The following DGKI variants were observed in gnomAD, a reference collection of about 807,000 sequenced individuals.
The protein encoded by DGKI is DAG kinase iota.
Under a neutral mutation model 147.5 loss-of-function variants are expected in DGKI, and 55 were observed. That is an observed-to-expected ratio of 0.37 (90% CI 0.30 to 0.47). The LOEUF is 0.47. Ranked by LOEUF, DGKI falls within the 20% of genes least tolerant of loss-of-function variation. The pLI is 1.00. For missense variants in DGKI, 1,007 were observed against 1,323.8 expected (o/e 0.76, Z 3.71); for synonymous variants, 469 against 477.1 (o/e 0.98, Z 0.22).
intron 17 of DGKI, among the ~76,000 whole-genome samples, chr7:137,573,332 G>A (rs1818855533): frequency 6.6e-6 from 1 of 152,102 alleles, no homozygotes; most frequent in South Asian, 2.1e-4. Flanking sequence ...CAAATATTTT[G>A]AAGACTTTTT....
chr7:137,638,542 A>G (rs199546871), intron 6 of DGKI, among the ~76,000 whole-genome samples: 9 of 108,650 alleles, frequency 8.3e-5, no homozygotes, highest in East Asian at 2.9e-4. Context: ...ACATATATGT[A>G]TATATATGTG....
intron 1 of DGKI, among the ~76,000 whole-genome samples, chr7:137,713,603 C>T (rs1794280599): frequency 6.6e-6 from 1 of 152,048 alleles, no homozygotes; most frequent in Non-Finnish European, 1.5e-5. Context: ...GTAGAGGTTG[C>T]CATTAACTTA....
At chr7:137,629,896 A>G (rs565978145) in intron 6 of DGKI, among the ~76,000 whole-genome samples, 1 of 152,306 alleles carries the variant, frequency 6.6e-6, no homozygotes, top group African/African-American at 2.4e-5. Context: ...ATGGTAGCAT[A>G]ATATTCTAGA....
chr7:137,562,218 AT>A (rs1192555384), intron 19 of DGKI, among the ~76,000 whole-genome samples: 2 of 147,436 alleles, frequency 1.4e-5, no homozygotes, highest in Non-Finnish European at 2.9e-5. Context: ...CTCATATGGA[AT>A]GTGAAAGATG....
chr7:137,673,301 C>T (rs547836247), intron 3 of DGKI, among the ~76,000 whole-genome samples: 2 of 152,254 alleles, frequency 1.3e-5, no homozygotes, highest in African/African-American at 4.8e-5. Context: ...AACCAGGCCA[C>T]GGTTTTTGGT....
At chr7:137,715,324 T>C (rs1334472718) in intron 1 of DGKI, among the ~76,000 whole-genome samples, 2 of 152,194 alleles carry the variant, frequency 1.3e-5, no homozygotes, top group East Asian at 1.9e-4. Context: ...ACCTTAATTA[T>C]CATCCCCAGA....
At chr7:137,798,286 T>G (rs1452677858) in intron 1 of DGKI, among the ~76,000 whole-genome samples, 3 of 152,194 alleles carry the variant, frequency 2.0e-5, no homozygotes, top group African/African-American at 7.2e-5. Flanking sequence ...TACCAATCAT[T>G]CATAAAATCT....
intron 1 of DGKI, among the ~76,000 whole-genome samples, chr7:137,742,717 T>C (rs1795212956): frequency 6.7e-6 from 1 of 149,252 alleles, no homozygotes; most frequent in Admixed American, 6.6e-5. Flanking sequence ...GGTACTCAGC[T>C]ACCGGGGGAA....
At chr7:137,683,168 G>A (rs916085889) in intron 2 of DGKI, among the ~76,000 whole-genome samples, 3 of 151,820 alleles carry the variant, frequency 2.0e-5, no homozygotes, top group South Asian at 4.2e-4. Context: ...CACCCTCTCC[G>A]ATTTATTTAA....
Position 137,818,113 on chromosome 7 carries a change from C to T in DGKI, c.401+28349G>A, listed in dbSNP as rs566967475. Among the ~76,000 whole-genome samples the T allele has an allele frequency of 3.9e-5, 6 of 152,306 alleles. No individual in the cohort carries two copies. In the South Asian group the frequency reaches 8.3e-4, roughly 21 times the overall value. On this transcript the variant is annotated intron_variant, in intron 1 of 32. Coordinates refer to ENST00000614521, the MANE Select transcript of DGKI (RefSeq NM_001321708.2). ...GGGAATATTTTGAGAAGATGGCAGGCTACCAAGCTAAAAACCTTCTAAGAC... is the reference window on the plus strand; with the variant it reads ...GGGAATATTTTGAGAAGATGGCAGGTTACCAAGCTAAAAACCTTCTAAGAC...
intron 30 of DGKI, among the ~76,000 whole-genome samples, chr7:137,405,938 GAT>G (rs1221979689): frequency 2.6e-5 from 4 of 152,116 alleles, no homozygotes; most frequent in African/African-American, 7.2e-5. Context: ...ATACAGAGAG[GAT>G]CCTAGGACTA....
At chr7:137,508,097 T>G (rs960265447) in intron 21 of DGKI, among the ~76,000 whole-genome samples, 1 of 152,104 alleles carries the variant, frequency 6.6e-6, no homozygotes, top group African/African-American at 2.4e-5. Flanking sequence ...AAGTTGAGAC[T>G]TTATTCTCAA....
At position 137,738,586 on chromosome 7, in the gene DGKI, C is replaced by T. The variant is rs541233681; in HGVS notation, c.402-48584G>A. Among the ~76,000 whole-genome samples, 10 of 152,234 alleles carry T rather than the reference C, an allele frequency of 6.6e-5. 1 individual carries two copies. In the South Asian group the frequency reaches 2.1e-3, roughly 32 times the overall value. On this transcript the variant is annotated intron_variant, in intron 1 of 32. Transcript: ENST00000614521. ...TTTAAGCATTAACCACTGAGACCAA[C>T]CTGACTTTGTCCATTCAAATTCCAG... is the stretch of plus-strand genomic sequence containing the variant.
intron 1 of DGKI, among the ~76,000 whole-genome samples, chr7:137,789,550 A>G (rs538154718): frequency 6.6e-6 from 1 of 152,326 alleles, no homozygotes; most frequent in African/African-American, 2.4e-5. Flanking sequence ...AAATGTTTCA[A>G]AACAGAATAT....
In DGKI at chr7:137,587,192, T is replaced by A; in HGVS notation, c.1330A>T (p.Ile444Phe). 4.3e-6 allele frequency: 7 copies of A among 1,612,286 alleles called. No homozygotes were observed. The highest frequency in any genetic ancestry group is 5.1e-6 in the Non-Finnish European group (6 of 1,179,426). The change falls in exon 13 of 33, where the codon ATC (isoleucine) becomes TTC (phenylalanine). Residue 444 changes from isoleucine to phenylalanine, a missense_variant. By Grantham distance (21) the Ile-to-Phe change is conservative. Around this residue, in one of 5 missense-constraint regions of DGKI, gnomAD observed 224 missense variants for 382.7 expected, o/e 0.59. Transcript: ENST00000614521. ...GDGTVGWILS[I>F]LDELQLSPQP... ...GGGCTCAGCTGCAGTTCATCCAGGA[T>A]GGAAAGGATCCAGCCCACCTACAGG...
At chr7:137,430,998 C>T (rs1401876157) in intron 28 of DGKI, among the ~76,000 whole-genome samples, 4 of 152,188 alleles carry the variant, frequency 2.6e-5, no homozygotes, top group East Asian at 3.9e-4. Context: ...AGACTATATC[C>T]TCACACAAGT....
intron 29 of DGKI, among the ~76,000 whole-genome samples, chr7:137,409,076 A>T (rs1812067740): frequency 2.0e-5 from 3 of 152,176 alleles, no homozygotes; most frequent in Admixed American, 2.0e-4. Flanking sequence ...ATAATATATT[A>T]AATAGTTTTA....
chr7:137,820,841 C>T (rs1406679990), intron 1 of DGKI, among the ~76,000 whole-genome samples: 2 of 152,118 alleles, frequency 1.3e-5, no homozygotes, highest in Non-Finnish European at 2.9e-5. Flanking sequence ...CTCAGCAAGA[C>T]GCAAGGGCCT....
intron 1 of DGKI, among the ~76,000 whole-genome samples, chr7:137,772,760 A>G (rs1210811428): frequency 6.6e-6 from 1 of 152,258 alleles, no homozygotes. Context: ...TGTTGTATTC[A>G]TACATTCAAC....
Sources: gnomAD v4.1 joint callset for allele counts (sites outside exome capture counted in the v4.1 genomes callset) on GRCh38, gnomAD v4.1.1 for gene constraint, gnomAD v4.1.1 regional missense constraint, MANE v1.5 for transcripts, NCBI Gene and HGNC (gene_info 2026-07-23, HGNC 2026-07-21) for gene names.